Variants in GALNT13 observed in about 807,000 individuals in gnomAD.
GALNT13 encodes the protein polypeptide N-acetylgalactosaminyltransferase 13, also known as UDP-GalNAc:polypeptide N-acetylgalactosaminyltransferase 13.
Under a neutral mutation model 64.2 loss-of-function variants are expected in GALNT13, and 28 were observed. The observed-to-expected ratio is 0.44, with a 90% CI of 0.32 to 0.60. GALNT13 has a LOEUF of 0.60. Among genes scored for constraint, GALNT13 ranks in the 20% least tolerant of loss-of-function variants. The pLI is 0.05. For missense variants in GALNT13, 577 were observed against 669.8 expected, an observed-to-expected ratio of 0.86 and a Z score of 1.53; for synonymous variants, 214 against 224.6, an observed-to-expected ratio of 0.95 and a Z score of 0.42.
chr2:153,201,418 C>T, the GALNT13 span, among the ~76,000 whole-genome samples: 1 of 152,172 alleles, frequency 6.6e-6, no homozygotes, highest in Non-Finnish European at 1.5e-5. Context: ...AATTCCTTCC[C>T]TCCCTGCCAA....
At chr2:153,189,995 C>G in the GALNT13 span, among the ~76,000 whole-genome samples, 1 of 152,040 alleles carries the variant, frequency 6.6e-6, no homozygotes, top group Admixed American at 6.6e-5. Context: ...GAATATTAGT[C>G]TCTTTTTGAA....
intron 4 of GALNT13, among the ~76,000 whole-genome samples, chr2:154,153,918 C>T (rs1033182508): frequency 6.6e-5 from 10 of 152,326 alleles, no homozygotes; most frequent in East Asian, 3.9e-4. Context: ...CTTCGGCTCA[C>T]GCAGGATGCG....
the GALNT13 span, among the ~76,000 whole-genome samples, chr2:153,657,421 C>T: frequency 6.6e-6 from 1 of 152,084 alleles, no homozygotes; most frequent in East Asian, 1.9e-4. Context: ...AGGCATGGTA[C>T]TTAGCATTTA....
At chr2:153,264,093 A>G in the GALNT13 span, among the ~76,000 whole-genome samples, 1 of 152,174 alleles carries the variant, frequency 6.6e-6, no homozygotes, top group South Asian at 2.1e-4. Context: ...ACTTAAATTT[A>G]CAAGAGAAAA....
At chr2:153,889,242 C>T (rs1687384699) in intron 1 of GALNT13, among the ~76,000 whole-genome samples, 1 of 151,774 alleles carries the variant, frequency 6.6e-6, no homozygotes, top group Non-Finnish European at 1.5e-5. Flanking sequence ...CTTTCAGTTC[C>T]TTCATTAACT....
chr2:153,478,209 G>A, the GALNT13 span: 3 of 1,579,710 alleles, frequency 1.9e-6, no homozygotes, highest in South Asian at 3.5e-5. Context: ...AGGCGTGGGA[G>A]CGGTTGCCGC....
At chr2:153,140,788 G>A in the GALNT13 span, among the ~76,000 whole-genome samples, 3 of 152,058 alleles carry the variant, frequency 2.0e-5, no homozygotes, top group East Asian at 1.9e-4. Context: ...TGAATTCACC[G>A]AAAGAAAACA....
At chr2:153,870,860 T>C (rs2105206145), upstream of GALNT13, among the ~76,000 whole-genome samples, 1 of 151,882 alleles carries the variant, frequency 6.6e-6, no homozygotes, top group East Asian at 1.9e-4. Context: ...AGTGACACTG[T>C]GAGAAGCAAG....
At chr2:154,071,618 A>C (rs1403400159) in intron 3 of GALNT13, among the ~76,000 whole-genome samples, 2 of 152,132 alleles carry the variant, frequency 1.3e-5, no homozygotes, top group African/African-American at 4.8e-5. Flanking sequence ...GATAATCCCC[A>C]GGCCAATACT....
At chr2:154,183,729 G>A (rs904737176) in intron 4 of GALNT13, among the ~76,000 whole-genome samples, 18 of 150,708 alleles carry the variant, frequency 1.2e-4, no homozygotes, top group African/African-American at 4.4e-4. Context: ...CAAACAAATT[G>A]AAAAAAACTT....
the GALNT13 span, among the ~76,000 whole-genome samples, chr2:153,499,269 G>T: frequency 6.6e-6 from 1 of 152,180 alleles, no homozygotes; most frequent in African/African-American, 2.4e-5. Context: ...ACCCAAAATG[G>T]GTGGCTCCTT....
the GALNT13 span, chr2:153,478,176 A>G: frequency 7.2e-7 from 1 of 1,388,170 alleles, no homozygotes. Context: ...AGTGAGGGGC[A>G]CAGCCGGGCT....
the GALNT13 span, among the ~76,000 whole-genome samples, chr2:153,292,072 C>T: frequency 2.5e-4 from 38 of 152,288 alleles, no homozygotes; most frequent in South Asian, 1.5e-3. Context: ...TGCTTGGTTA[C>T]ACTTCTATCC....
the GALNT13 span, among the ~76,000 whole-genome samples, chr2:153,328,795 C>T: frequency 2.6e-5 from 4 of 151,950 alleles, no homozygotes; most frequent in South Asian, 2.1e-4. Context: ...AGCTTCAGCC[C>T]CCTTTCCAAT....
the GALNT13 span, among the ~76,000 whole-genome samples, chr2:153,678,127 AATATTTGCATC>A: frequency 2.0e-5 from 3 of 149,740 alleles, no homozygotes; most frequent in Non-Finnish European, 3.0e-5. Flanking sequence ...AATGGGAGAA[AATATTTGCATC>A]TATGCATCCG....
chr2:153,400,664 T>G, the GALNT13 span, among the ~76,000 whole-genome samples: 71 of 152,270 alleles, frequency 4.7e-4, no homozygotes, highest in Admixed American at 4.0e-3. Context: ...GAGAGTGTAT[T>G]TGTCGAGGAA....
intron 10 of GALNT13, among the ~76,000 whole-genome samples, chr2:154,407,808 C>T (rs1012640350): frequency 6.6e-6 from 1 of 152,032 alleles, no homozygotes; most frequent in Non-Finnish European, 1.5e-5. Flanking sequence ...ATACTATTCT[C>T]AGTTATTGAT....
the GALNT13 span, among the ~76,000 whole-genome samples, chr2:153,222,192 C>T: frequency 3.4e-5 from 5 of 148,988 alleles, no homozygotes; most frequent in African/African-American, 1.2e-4. Flanking sequence ...AAGTGGGTAG[C>T]TCCTTTCCTC....
chr2:153,862,831 T>C, the GALNT13 span, among the ~76,000 whole-genome samples: 9 of 152,064 alleles, frequency 5.9e-5, no homozygotes, highest in African/African-American at 1.9e-4. Context: ...TAATATGTTA[T>C]ATGCTTATAT....
Sources: gnomAD v4.1 joint callset for allele counts (sites outside exome capture counted in the v4.1 genomes callset) on GRCh38, gnomAD v4.1.1 for gene constraint, MANE v1.5 for transcripts, NCBI Gene and HGNC (gene_info 2026-07-23, HGNC 2026-07-21) for gene names.